EIF3H: variants seen among roughly 807,000 people sequenced by gnomAD.
EIF3H encodes eukaryotic translation initiation factor 3 subunit H.
EIF3H carries 26 observed loss-of-function variants against 44.2 expected under a neutral mutation model. The ratio of observed to expected loss-of-function variants is 0.59; its 90% CI spans 0.43 to 0.82. EIF3H has a LOEUF of 0.82. EIF3H is among the 40% of genes least tolerant of loss of function. The pLI, the probability that EIF3H is intolerant of heterozygous loss-of-function variation, is 0.00. For missense variants in EIF3H, 359 were observed against 432.8 expected (o/e 0.83, Z 1.51); for synonymous variants, 166 against 151.9 (o/e 1.09, Z -0.68).
At chr8:116,696,209 A>G (rs909965503) in intron 2 of EIF3H, among the ~76,000 whole-genome samples, 5 of 152,222 alleles carry the variant, frequency 3.3e-5, no homozygotes, top group Admixed American at 2.0e-4. Context: ...AGCCTGGAAC[A>G]TTACATTATG....
intron 1 of EIF3H, among the ~76,000 whole-genome samples, chr8:116,727,161 TTC>T (rs1814857387): frequency 1.3e-5 from 2 of 152,204 alleles, no homozygotes; most frequent in Admixed American, 6.5e-5. Context: ...GAGCAGCTAC[TTC>T]TGTGTGCAGC....
Position 116,648,842 on chromosome 8 carries a change from C to G in EIF3H, c.792G>C (p.Met264Ile). The G allele has an allele frequency of 4.3e-6, 7 of 1,610,072 alleles. No individual in the cohort carries two copies. The highest frequency in any genetic ancestry group is 5.9e-6 in the Non-Finnish European group (7 of 1,178,210). ...SQDIVKYNTY[M>I]RNTSKQQQQK... The stretch of plus-strand genomic sequence containing the variant: ...GCTGCTGTTGTTTACTAGTATTCCT[C>G]ATGTATGTGTTGTATTTAACTATAT... Residue 264 changes from methionine to isoleucine, a missense_variant, in exon 6 of 8, where the codon ATG becomes ATC. Met to Ile is a conservative substitution (Grantham distance 10, BLOSUM62 1). Around this residue, in one of 5 missense-constraint regions of EIF3H, gnomAD observed 30 missense variants for 59.5 expected, o/e 0.50. Transcript: ENST00000521861.
chr8:116,709,072 A>AT (rs1247886139), intron 2 of EIF3H, among the ~76,000 whole-genome samples: 1 of 152,102 alleles, frequency 6.6e-6, no homozygotes. Flanking sequence ...AACCTTAGCA[A>AT]TTTAAATAGA....
chr8:116,725,915 G>A, intron 2 of EIF3H, 101 bp downstream of exon 2: 5 of 1,379,444 alleles, frequency 3.6e-6, no homozygotes, highest in Non-Finnish European at 4.9e-6. Flanking sequence ...AGGCTAGCCT[G>A]ACAGATTCCC....
At chr8:116,654,690 AC>A (rs1268676981) in intron 5 of EIF3H, among the ~76,000 whole-genome samples, 3 of 152,164 alleles carry the variant, frequency 2.0e-5, no homozygotes, top group African/African-American at 7.2e-5. Flanking sequence ...TAGCCTTGCA[AC>A]CTGGCTGTGT....
chr8:116,710,859 T>A (rs541785480), intron 2 of EIF3H, among the ~76,000 whole-genome samples: 1 of 152,212 alleles, frequency 6.6e-6, no homozygotes, highest in South Asian at 2.1e-4. Context: ...TGTGATTCTC[T>A]TTGTAAACAT....
chr8:116,695,974 T>C (rs974674506), intron 2 of EIF3H, among the ~76,000 whole-genome samples: 9 of 152,250 alleles, frequency 5.9e-5, no homozygotes, highest in Non-Finnish European at 2.9e-5. Context: ...TGGTTTTCAA[T>C]ATAAATAAAT....
chr8:116,755,832 G>A (rs746300235), upstream of EIF3H: 7 of 1,608,310 alleles, frequency 4.4e-6, no homozygotes, highest in East Asian at 2.2e-5. Context: ...AGAAACGTGA[G>A]TTACCGGAAG....
Position 116,729,300 on chromosome 8 carries a change from A to T in EIF3H, c.133-3128T>A, listed in dbSNP as rs189118197. ...TGACTAGGACCAGCACAGTTTCATA[A>T]AGAAGCCAGATGAAAATAACCTCAT... On this transcript the variant is annotated intron_variant, in intron 1 of 7. Transcript: ENST00000521861. Among the ~76,000 whole-genome samples, 186 of 152,328 alleles carry T rather than the reference A, an allele frequency of 1.2e-3. 1 individual carries two copies. Among genetic ancestry groups the T allele is most frequent in the African/African-American group, 4.3e-3 (178 of 41,568 alleles).
chr8:116,683,545 A>T (rs915509076), intron 2 of EIF3H, among the ~76,000 whole-genome samples: 1 of 152,222 alleles, frequency 6.6e-6, no homozygotes, highest in Non-Finnish European at 1.5e-5. Flanking sequence ...TTGACGTAAG[A>T]ATTTTAGAGG....
chr8:116,730,940 T>A (rs970119889), intron 1 of EIF3H, among the ~76,000 whole-genome samples: 1 of 152,220 alleles, frequency 6.6e-6, no homozygotes, highest in Admixed American at 6.5e-5. Flanking sequence ...AAAGATAAGC[T>A]GACAGGGAAT....
intron 2 of EIF3H, among the ~76,000 whole-genome samples, chr8:116,712,610 A>G (rs1290538412): frequency 6.6e-6 from 1 of 152,232 alleles, no homozygotes; most frequent in Non-Finnish European, 1.5e-5. Flanking sequence ...ATGGTGGAGA[A>G]GTGTTAACGG....
chr8:116,645,221 C>A, intron 7 of EIF3H, 118 bp from the exon 8 acceptor site: 1 of 741,410 alleles, frequency 1.3e-6, no homozygotes, highest in East Asian at 2.7e-5. Context: ...TGTTTTGAAT[C>A]CAGAGTTTAT....
Position 116,644,946 on chromosome 8 carries a change from A to G in EIF3H, c.*60T>C. ...AATATGCAAATATATTTCTTCCAAG[A>G]GTTGCCCTGGTGTGACTTCAAGAGT... is the stretch of plus-strand genomic sequence containing the variant. On this transcript the variant is annotated 3_prime_UTR_variant, in exon 8 of 8. Coordinates refer to ENST00000521861, the MANE Select transcript of EIF3H (RefSeq NM_003756.3). The G allele has an allele frequency of 7.7e-7, 1 of 1,294,882 alleles. No homozygotes were observed. Among genetic ancestry groups the G allele is most frequent in the South Asian group, 1.2e-5 (1 of 81,142 alleles). The allele number at this position is 1,294,882 out of a possible 1,614,324, so 80.2% of individuals were successfully genotyped here. A position where few individuals can be genotyped will look rare whatever the true frequency, so the allele number is the denominator to read the frequency against.
chr8:116,702,642 C>G (rs1191280930), intron 2 of EIF3H, among the ~76,000 whole-genome samples: 2 of 151,746 alleles, frequency 1.3e-5, no homozygotes, highest in Non-Finnish European at 1.5e-5. Flanking sequence ...AACTGGTCAT[C>G]AGAATTAATC....
chr8:116,703,449 C>CCTGACCATCTCCCT (rs1359528289), intron 2 of EIF3H, among the ~76,000 whole-genome samples: 5 of 152,182 alleles, frequency 3.3e-5, no homozygotes, highest in Non-Finnish European at 7.3e-5. Flanking sequence ...CATCCGGAGG[C>CCTGACCATCTCCCT]CTGACCATCT....
intron 2 of EIF3H, among the ~76,000 whole-genome samples, chr8:116,699,501 G>T (rs185341878): frequency 2.6e-5 from 4 of 152,166 alleles, no homozygotes; most frequent in African/African-American, 4.8e-5. Flanking sequence ...TAAAAAATGG[G>T]TACTTATGGA....
upstream of EIF3H, among the ~76,000 whole-genome samples, chr8:116,756,237 T>C (rs1172963329): frequency 2.0e-5 from 3 of 152,234 alleles, no homozygotes. Flanking sequence ...GATGAGCCAG[T>C]ATTGCACAGC....
chr8:116,692,994 T>C (rs7003034), intron 2 of EIF3H, among the ~76,000 whole-genome samples: 43,751 of 151,990 alleles, frequency 0.29, 7,137 homozygotes, highest in East Asian at 0.44. Context: ...TTAATTTATA[T>C]ATGCCAAAGT....
Sources: gnomAD v4.1 joint callset for allele counts (sites outside exome capture counted in the v4.1 genomes callset) on GRCh38, gnomAD v4.1.1 for gene constraint, gnomAD v4.1.1 regional missense constraint, MANE v1.5 for transcripts, NCBI Gene and HGNC (gene_info 2026-07-23, HGNC 2026-07-21) for gene names.